The following RNF150 variants were observed in gnomAD, a reference collection of about 807,000 sequenced individuals.
RNF150 encodes ring finger protein 150.
Under a neutral mutation model 39.3 loss-of-function variants are expected in RNF150, and 24 were observed. The ratio of observed to expected loss-of-function variants is 0.61; its 90% CI spans 0.44 to 0.86. The LOEUF (loss-of-function observed/expected upper bound fraction) is 0.86. RNF150 is among the 40% of genes least tolerant of loss of function. RNF150 has a pLI of 0.00. For missense variants in RNF150, 502 were observed against 587.8 expected, an observed-to-expected ratio of 0.85 and a Z score of 1.51; for synonymous variants, 255 against 227.3, an observed-to-expected ratio of 1.12 and a Z score of -1.10.
chr4:141,157,140 C>T (rs1269141082), intron 1 of RNF150, among the ~76,000 whole-genome samples: 4 of 152,134 alleles, frequency 2.6e-5, no homozygotes, highest in Non-Finnish European at 2.9e-5. Flanking sequence ...TGCTCTTCTA[C>T]CTTCAGGTTT....
chr4:141,060,709 T>G (rs1010966446), intron 1 of RNF150, among the ~76,000 whole-genome samples: 1 of 152,204 alleles, frequency 6.6e-6, no homozygotes, highest in South Asian at 2.1e-4. Flanking sequence ...ATTGCAGCAC[T>G]ATCCACAATA....
chr4:141,023,420 ATT>A (rs70946790), intron 1 of RNF150, among the ~76,000 whole-genome samples: 6 of 149,250 alleles, frequency 4.0e-5, no homozygotes, highest in East Asian at 4.0e-4. Context: ...TACTTTTCAT[ATT>A]TTTTTTTTTA....
intron 1 of RNF150, among the ~76,000 whole-genome samples, chr4:141,087,962 C>A (rs1053700219): frequency 2.0e-5 from 3 of 152,042 alleles, no homozygotes; most frequent in Non-Finnish European, 1.5e-5. Flanking sequence ...AGGACATGTG[C>A]CTGCCCTTTA....
intron 4 of RNF150, among the ~76,000 whole-genome samples, chr4:140,939,710 C>T (rs185171962): frequency 1.2e-3 from 179 of 150,774 alleles, no homozygotes; most frequent in African/African-American, 3.9e-3. Context: ...TTTTGTGTTA[C>T]GGCTTTTGAG....
chr4:140,993,615 A>G (rs1734268199), intron 1 of RNF150, among the ~76,000 whole-genome samples: 1 of 152,176 alleles, frequency 6.6e-6, no homozygotes, highest in Non-Finnish European at 1.5e-5. Flanking sequence ...AGCTGTTTAT[A>G]TGGCCTTGTT....
intron 1 of RNF150, among the ~76,000 whole-genome samples, chr4:141,081,558 T>C (rs1738148527): frequency 1.3e-5 from 2 of 152,202 alleles, no homozygotes; most frequent in African/African-American, 4.8e-5. Context: ...TGCATTTTTA[T>C]CTTCCAAAAA....
At chr4:141,005,711 T>C (rs56338728) in intron 1 of RNF150, among the ~76,000 whole-genome samples, 10,949 of 151,238 alleles carry the variant, frequency 0.072, 445 homozygotes, top group Middle Eastern at 0.16. Context: ...ATACAGCCCA[T>C]TTGTAATTTG....
At chr4:141,091,718 G>A (rs1462011453) in intron 1 of RNF150, among the ~76,000 whole-genome samples, 1 of 152,300 alleles carries the variant, frequency 6.6e-6, no homozygotes, top group South Asian at 2.1e-4. Context: ...TGAGACTTCA[G>A]TGATGATGTA....
intron 2 of RNF150, among the ~76,000 whole-genome samples, chr4:140,966,247 C>G (rs567949149): frequency 6.6e-6 from 1 of 151,768 alleles, no homozygotes; most frequent in Admixed American, 6.6e-5. Context: ...GGCCAAGGCA[C>G]GAGAATCTCT....
intron 6 of RNF150, among the ~76,000 whole-genome samples, chr4:140,887,896 T>A (rs984830788): frequency 6.6e-6 from 1 of 152,214 alleles, no homozygotes; most frequent in African/African-American, 2.4e-5. Context: ...AAACACATTA[T>A]AAGGTAAACA....
upstream of RNF150, among the ~76,000 whole-genome samples, chr4:141,134,794 T>G (rs930624595): frequency 6.6e-6 from 1 of 152,228 alleles, no homozygotes. Context: ...GACACCTGGC[T>G]GCTGGTTCCT....
In RNF150 at chr4:141,027,926, G is replaced by GTTTT. The variant is rs61543533; in HGVS notation, c.485-60057_485-60054dup. Among the ~76,000 whole-genome samples, 10 of 69,126 alleles carry GTTTT rather than the reference G, an allele frequency of 1.4e-4. 1 individual carries two copies. Among genetic ancestry groups the GTTTT allele is most frequent in the Non-Finnish European group, 1.9e-4 (7 of 37,334 alleles). 45.3% of individuals were successfully genotyped at this position (69,126 alleles called of 152,430 possible). ...GCTTGGAATTTGTTTTTTTTTTTTT[G>GTTTT]TTTTTTTTTTTTTTTTTTTTTTTTT... On this transcript the variant is annotated intron_variant, in intron 1 of 6. Transcript: ENST00000515673.
At chr4:141,040,398 C>T (rs1192629615) in intron 1 of RNF150, among the ~76,000 whole-genome samples, 1 of 151,978 alleles carries the variant, frequency 6.6e-6, no homozygotes, top group Non-Finnish European at 1.5e-5. Context: ...ACTTTGTGCA[C>T]AACAAGGAGG....
chr4:141,079,133 C>T (rs1738051407), intron 1 of RNF150, among the ~76,000 whole-genome samples: 2 of 151,986 alleles, frequency 1.3e-5, no homozygotes, highest in South Asian at 4.1e-4. Context: ...GCCCAATTCA[C>T]TGGAAAAAAG....
chr4:141,059,884 C>A (rs944583606), intron 1 of RNF150, among the ~76,000 whole-genome samples: 13 of 152,004 alleles, frequency 8.6e-5, no homozygotes, highest in African/African-American at 3.1e-4. Flanking sequence ...TTAAAATTCA[C>A]AACAGAACCT....
At chr4:141,041,050 C>T (rs145300815) in intron 1 of RNF150, among the ~76,000 whole-genome samples, 102 of 152,014 alleles carry the variant, frequency 6.7e-4, no homozygotes, top group African/African-American at 2.3e-3. Context: ...ATTTACCAAA[C>T]GGTTTAGTAA....
upstream of RNF150, among the ~76,000 whole-genome samples, chr4:141,135,298 A>T (rs1411421418): frequency 6.6e-6 from 1 of 152,252 alleles, no homozygotes; most frequent in African/African-American, 2.4e-5. Context: ...AGCAAAAGGC[A>T]CATCCAGTGG....
At chr4:140,929,751 A>G (rs1280867660) in intron 4 of RNF150, among the ~76,000 whole-genome samples, 1 of 152,178 alleles carries the variant, frequency 6.6e-6, no homozygotes, top group African/African-American at 2.4e-5. Context: ...CTATGAAGGC[A>G]TTTTGTAGAT....
chr4:140,900,328 A>C (rs923632403), intron 6 of RNF150, among the ~76,000 whole-genome samples: 1 of 152,134 alleles, frequency 6.6e-6, no homozygotes, highest in African/African-American at 2.4e-5. Context: ...CTAGGAATTG[A>C]CACTAATGGG....
Sources: gnomAD v4.1 joint callset for allele counts (sites outside exome capture counted in the v4.1 genomes callset) on GRCh38, gnomAD v4.1.1 for gene constraint, MANE v1.5 for transcripts, NCBI Gene and HGNC (gene_info 2026-07-23, HGNC 2026-07-21) for gene names.